The following CCDC40 variants were observed in gnomAD, a reference collection of about 807,000 sequenced individuals.
CCDC40 encodes the protein coiled-coil domain 40 molecular ruler complex subunit, also known as coiled-coil domain-containing protein 40.
Under a neutral mutation model 124.5 loss-of-function variants are expected in CCDC40, and 104 were observed. The ratio of observed to expected loss-of-function variants is 0.84; its 90% CI spans 0.71 to 0.98. CCDC40 has a LOEUF of 0.98. CCDC40 is among the 50% of genes least tolerant of loss of function. The pLI is 0.00. For missense variants in CCDC40, 1,463 were observed against 1,503.9 expected (o/e 0.97, Z 0.45); for synonymous variants, 580 against 602.9 (o/e 0.96, Z 0.56).
intron 3 of CCDC40, among the ~76,000 whole-genome samples, chr17:80,045,570 G>A (rs976638320): frequency 3.9e-5 from 6 of 152,040 alleles, no homozygotes; most frequent in African/African-American, 1.4e-4. Flanking sequence ...CAGGTGTGGT[G>A]GCAGGTGCCT....
chr17:80,092,636 G>T (rs1377649238), intron 17 of CCDC40, among the ~76,000 whole-genome samples: 1 of 152,094 alleles, frequency 6.6e-6, no homozygotes, highest in East Asian at 1.9e-4. Context: ...TTAGAGACAG[G>T]GTTTCGCTCT....
chr17:80,088,217 T>C, intron 16 of CCDC40, 115 bp downstream of exon 16: 3 of 749,402 alleles, frequency 4.0e-6, no homozygotes, highest in Non-Finnish European at 7.3e-6. Flanking sequence ...CATATCCCAG[T>C]GCTTTGGTCA....
At chr17:80,091,063 A>C (rs1211692390) in intron 17 of CCDC40, among the ~76,000 whole-genome samples, 3 of 152,132 alleles carry the variant, frequency 2.0e-5, no homozygotes, top group Non-Finnish European at 2.9e-5. Context: ...CGCTGCAGGG[A>C]TAAGGCCTCT....
chr17:80,100,509 A>T lies in CCDC40; in HGVS notation c.*734A>T, dbSNP rs2038902889. 1 of 152,070 alleles carries T rather than the reference A, an allele frequency of 6.6e-6. No individual in the cohort carries two copies. Among genetic ancestry groups the T allele is most frequent in the African/African-American group, 2.4e-5 (1 of 41,366 alleles). The allele number at this position is 152,070 out of a possible 1,614,324, so 9.4% of individuals were successfully genotyped here. On this transcript the variant is annotated 3_prime_UTR_variant, in exon 20 of 20. Coordinates refer to ENST00000397545, the MANE Select transcript of CCDC40 (RefSeq NM_017950.4). ...CTCCCTGGACTTCCAAGTACCAATG[A>T]CCTTGGGGCTTCTTTGCAGTTTAAA...
rs2143752494 is a variant in CCDC40 at position 80,087,372 on chromosome 17, T to C, written c.2450-235T>C. 3 of 569,980 alleles carry C rather than the reference T, an allele frequency of 5.3e-6. No homozygotes were observed. The highest frequency in any genetic ancestry group is 9.6e-4 in the Middle Eastern group (2 of 2,076). 35.3% of individuals were successfully genotyped at this position (569,980 alleles called of 1,614,324 possible). ...CCACAGGCAGGTCCTCTCAGTTCCG[T>C]TGGAGGACCAGGCTTTGGGAGCTTA... is the stretch of plus-strand genomic sequence containing the variant. On this transcript the variant is annotated intron_variant, in intron 14 of 19. Transcript: ENST00000397545. This position sits in a 1 kb window ranked among gnomAD's most constrained non-coding sequence, Gnocchi z 4.5.
At chr17:80,045,652 C>T (rs541106070) in intron 3 of CCDC40, among the ~76,000 whole-genome samples, 3 of 151,966 alleles carry the variant, frequency 2.0e-5, no homozygotes, top group Non-Finnish European at 2.9e-5. Flanking sequence ...TGCAGTGAGC[C>T]GAGATGGTGC....
At position 80,085,863 on chromosome 17, in the gene CCDC40, T is replaced by C. The variant is rs182687886; in HGVS notation, c.2236-140T>C. 849 of 747,464 alleles carry C rather than the reference T, an allele frequency of 1.1e-3. 6 individuals are homozygous for C. The highest frequency in any genetic ancestry group is 0.011 in the East Asian group (409 of 36,636). 46.3% of individuals were successfully genotyped at this position (747,464 alleles called of 1,614,324 possible). ...TTTTGTATTTTGGGTAGAGACGGGGTTTCACCCTGTTGGCCAGGCTGGTCT... is the reference window on the plus strand; with the variant it reads ...TTTTGTATTTTGGGTAGAGACGGGGCTTCACCCTGTTGGCCAGGCTGGTCT... On this transcript the variant is annotated intron_variant, in intron 13 of 19. Transcript: ENST00000397545.
chr17:80,089,253 A>G (rs1277729199), intron 16 of CCDC40, among the ~76,000 whole-genome samples: 1 of 152,230 alleles, frequency 6.6e-6, no homozygotes, highest in Admixed American at 6.5e-5. Flanking sequence ...GGTGCGGAGC[A>G]GGCGTGGTGT....
chr17:80,076,660 A>C (rs2038318482), intron 10 of CCDC40, among the ~76,000 whole-genome samples: 1 of 146,850 alleles, frequency 6.8e-6, no homozygotes, highest in East Asian at 1.9e-4. Flanking sequence ...AGCAACATCA[A>C]TGCAAGACCC....
chr17:80,048,662 C>A lies in CCDC40; in HGVS notation c.756C>A (p.Ser252Arg), dbSNP rs374154296. Residue 252 changes from serine (S) to arginine (R), a missense_variant, in exon 5 of 20, where the codon AGC becomes AGA. By Grantham distance (110) the Ser-to-Arg change is moderately radical. Transcript: ENST00000397545. ...PVFQDQIQQPSTEEGAMAERV... is the reference protein window; with the variant it reads ...PVFQDQIQQPRTEEGAMAERV... Reference sequence around the variant, plus strand: ...TCCAGGACCAGATCCAGCAGCCCAGCACCGAGGAGGGGGCCATGGCAGAGA... The same window carrying A: ...TCCAGGACCAGATCCAGCAGCCCAGAACCGAGGAGGGGGCCATGGCAGAGA... The A allele has an allele frequency of 3.1e-6, 5 of 1,613,954 alleles. No homozygotes were observed. The highest frequency in any genetic ancestry group is 4.2e-6 in the Non-Finnish European group (5 of 1,180,004).
intron 3 of CCDC40, among the ~76,000 whole-genome samples, chr17:80,041,241 T>C (rs1409707902): frequency 6.6e-6 from 1 of 151,964 alleles, no homozygotes; most frequent in Non-Finnish European, 1.5e-5. Context: ...GGCATGGTGG[T>C]GCACGCCTGT....
intron 3 of CCDC40, among the ~76,000 whole-genome samples, chr17:80,045,092 T>A (rs2037388082): frequency 6.6e-6 from 1 of 152,172 alleles, no homozygotes. Context: ...AGAAATAACT[T>A]CCAGAGTCAA....
chr17:80,059,012 G>A (rs370923952), intron 9 of CCDC40, 32 bp downstream of exon 9: 14 of 1,613,872 alleles, frequency 8.7e-6, no homozygotes, highest in African/African-American at 4.0e-5. Context: ...CTCAGTGTTC[G>A]ACCCTCCAGT....
At chr17:80,050,570 A>G (rs2037559555) in intron 7 of CCDC40, among the ~76,000 whole-genome samples, 1 of 152,146 alleles carries the variant, frequency 6.6e-6, no homozygotes, top group South Asian at 2.1e-4. Context: ...GAGCCTCCCA[A>G]GTAGCTGGTA....
intron 17 of CCDC40, among the ~76,000 whole-genome samples, chr17:80,091,606 G>A (rs971991238): frequency 7.5e-6 from 1 of 132,988 alleles, no homozygotes; most frequent in Non-Finnish European, 1.5e-5. Context: ...CTGGCAAGAG[G>A]GATCTTTACT....
rs200597678 is a variant in CCDC40 at position 80,058,255 on chromosome 17, G to C, written c.1160-239G>C. Among the ~76,000 whole-genome samples the C allele has an allele frequency of 1.3e-4, 20 of 152,360 alleles. No individual in the cohort carries two copies. The East Asian group carries it at 2.3e-3, about 18-fold the overall frequency. On this transcript the variant is annotated intron_variant, in intron 7 of 19. Coordinates refer to ENST00000397545, the MANE Select transcript of CCDC40 (RefSeq NM_017950.4). The surrounding 1 kb of genome is among the most constrained non-coding windows in gnomAD (Gnocchi z 4.2). ...GACTTGGTGGGGAATGGAACAGCTT[G>C]CTGCAATTTGTGGATGTAGATTCCG...
intron 10 of CCDC40, 86 bp from the exon 11 acceptor site, chr17:80,081,460 T>G: frequency 7.5e-5 from 114 of 1,523,760 alleles, no homozygotes; most frequent in Non-Finnish European, 9.0e-5. Flanking sequence ...TTCGCCTTAG[T>G]GAGCTCCCTC....
chr17:80,044,710 A>ATAT (rs1568671585), intron 3 of CCDC40, among the ~76,000 whole-genome samples: 1 of 118,720 alleles, frequency 8.4e-6, no homozygotes, highest in South Asian at 2.4e-4. Flanking sequence ...AACAAACAAA[A>ATAT]AAAAAAATAT....
intron 16 of CCDC40, among the ~76,000 whole-genome samples, chr17:80,088,822 A>AC (rs1171157793): frequency 6.6e-6 from 1 of 152,102 alleles, no homozygotes; most frequent in East Asian, 1.9e-4. Context: ...GAAGAAAAAG[A>AC]CCACCTGGGC....
Sources: allele counts gnomAD v4.1 joint callset (sites outside exome capture counted in the v4.1 genomes callset), GRCh38; gene constraint gnomAD v4.1.1; non-coding constraint Gnocchi (gnomAD v3.1); transcripts MANE v1.5; gene names NCBI Gene and HGNC (gene_info 2026-07-23, HGNC 2026-07-21).